The following CRKL variants were observed in gnomAD, a reference collection of about 807,000 sequenced individuals.
CRKL encodes the protein CRK like proto-oncogene, adaptor protein.
CRKL carries 3 observed loss-of-function variants against 23.0 expected under a neutral mutation model. The observed-to-expected ratio is 0.13, with a 90% CI of 0.06 to 0.34. The LOEUF is 0.34. CRKL is among the 10% of genes least tolerant of loss of function. The pLI is 1.00. For missense variants in CRKL, 256 were observed against 394.5 expected (o/e 0.65, Z 2.97); for synonymous variants, 188 against 160.7 (o/e 1.17, Z -1.28).
At chr22:20,940,190 A>G (rs1355164301) in intron 2 of CRKL, among the ~76,000 whole-genome samples, 3 of 152,030 alleles carry the variant, frequency 2.0e-5, no homozygotes, top group Non-Finnish European at 4.4e-5. Context: ...TCTTTGTACT[A>G]AAGTCCTTCT....
intron 2 of CRKL, among the ~76,000 whole-genome samples, chr22:20,946,115 C>A (rs1922045014): frequency 6.6e-6 from 1 of 152,184 alleles, no homozygotes; most frequent in South Asian, 2.1e-4. Context: ...CCAGTGTACT[C>A]CTGATCTTAC....
At chr22:20,920,027 A>G (rs1236378714) in intron 1 of CRKL, among the ~76,000 whole-genome samples, 7 of 152,200 alleles carry the variant, frequency 4.6e-5, no homozygotes, top group Non-Finnish European at 8.8e-5. Flanking sequence ...TTTGAGCACA[A>G]TATAATTCCA....
At chr22:20,925,941 T>C (rs1461396429) in intron 1 of CRKL, among the ~76,000 whole-genome samples, 2 of 152,232 alleles carry the variant, frequency 1.3e-5, no homozygotes, top group Admixed American at 1.3e-4. Context: ...GTTTTTGTTT[T>C]TGATTTTTGT....
chr22:20,923,830 G>A (rs935720991), intron 1 of CRKL, among the ~76,000 whole-genome samples: 7 of 151,564 alleles, frequency 4.6e-5, no homozygotes, highest in East Asian at 1.9e-4. Context: ...TGCTCGCCTC[G>A]GCCTCCCAAA....
intron 1 of CRKL, among the ~76,000 whole-genome samples, chr22:20,920,792 C>T (rs184066989): frequency 1.7e-4 from 26 of 152,284 alleles, no homozygotes; most frequent in Admixed American, 1.3e-3. Flanking sequence ...CTACACCTCA[C>T]TCTCCATCTG....
At chr22:20,922,429 A>G (rs1921027953) in intron 1 of CRKL, among the ~76,000 whole-genome samples, 1 of 152,128 alleles carries the variant, frequency 6.6e-6, no homozygotes, top group Non-Finnish European at 1.5e-5. Flanking sequence ...GCTCCAAGGA[A>G]GGAATTTGAG....
intron 1 of CRKL, among the ~76,000 whole-genome samples, chr22:20,922,006 CTT>C (rs66728040): frequency 8.7e-4 from 61 of 69,926 alleles, no homozygotes; most frequent in South Asian, 6.7e-3. Flanking sequence ...CTGCGCCCGG[CTT>C]TTTTTTTTTT....
intron 1 of CRKL, among the ~76,000 whole-genome samples, chr22:20,920,547 A>G (rs954192474): frequency 2.6e-5 from 4 of 152,080 alleles, no homozygotes; most frequent in African/African-American, 7.2e-5. Context: ...TTCTAGAGGA[A>G]GGAAAAGAAG....
chr22:20,918,163 G>A lies in CRKL; in HGVS notation c.229G>A (p.Glu77Lys), dbSNP rs745447266. The change falls in exon 1 of 3, where the codon GAA becomes AAA. Residue 77 changes from glutamate to lysine, a missense_variant. Physicochemically the swap from Glu to Lys is moderately conservative, Grantham distance 56 (BLOSUM62 1). Coordinates refer to ENST00000354336, the MANE Select transcript of CRKL (RefSeq NM_005207.4). Reference protein sequence around the residue: ...PNRRFKIGDQEFDHLPALLEF... With the variant: ...PNRRFKIGDQKFDHLPALLEF... Reference sequence around the variant, plus strand: ...CCGCCGTTTTAAGATCGGGGACCAGGAATTTGACCATTTGCCGGCCCTGCT... The same window carrying A: ...CCGCCGTTTTAAGATCGGGGACCAGAAATTTGACCATTTGCCGGCCCTGCT... 1 of 1,614,136 alleles carries A rather than the reference G, an allele frequency of 6.2e-7. No individual in the cohort carries two copies. The highest frequency in any genetic ancestry group is 8.5e-7 in the Non-Finnish European group (1 of 1,180,036).
chr22:20,939,855 C>A (rs1002084682), intron 2 of CRKL, among the ~76,000 whole-genome samples: 1 of 146,934 alleles, frequency 6.8e-6, no homozygotes, highest in Non-Finnish European at 1.5e-5. Flanking sequence ...ATGGCGTGAT[C>A]TCGGCTCACT....
chr22:20,940,792 G>A (rs1436289386), intron 2 of CRKL, among the ~76,000 whole-genome samples: 2 of 152,032 alleles, frequency 1.3e-5, no homozygotes, highest in Non-Finnish European at 2.9e-5. Context: ...CTTCCCAAGG[G>A]CCCATGGTAC....
intron 1 of CRKL, among the ~76,000 whole-genome samples, chr22:20,929,149 A>G (rs1921344719): frequency 6.6e-6 from 1 of 151,682 alleles, no homozygotes; most frequent in Non-Finnish European, 1.5e-5. Context: ...AACCCTGTGC[A>G]TTTTATTTTA....
In CRKL at chr22:20,952,724, G is replaced by GT; in HGVS notation, c.*2884dup. ...TTGGATGTTAAATTAACTCACTATGGTTTTTCACCTGGGAAGGAAACAAAT... is the reference window on the plus strand; with the variant it reads ...TTGGATGTTAAATTAACTCACTATGGTTTTTTCACCTGGGAAGGAAACAAAT... On this transcript the variant is annotated 3_prime_UTR_variant, in exon 3 of 3. Transcript: ENST00000354336. 4.3e-6 allele frequency: 1 copy of GT among 231,556 alleles called. No individual in the cohort carries two copies. Among genetic ancestry groups the GT allele is most frequent in the Non-Finnish European group, 8.5e-6 (1 of 117,036 alleles). 14.3% of individuals were successfully genotyped at this position (231,556 alleles called of 1,614,324 possible).
At position 20,927,531 on chromosome 22, in the gene CRKL, A is replaced by G. The variant is rs1323185775; in HGVS notation, c.312-6248A>G. Among the ~76,000 whole-genome samples, 4 of 112,924 alleles carry G rather than the reference A, an allele frequency of 3.5e-5. No individual in the cohort carries two copies. In the East Asian group the frequency reaches 1.3e-3, roughly 36 times the overall value. 74.1% of individuals were successfully genotyped at this position (112,924 alleles called of 152,430 possible). A position where few individuals can be genotyped will look rare whatever the true frequency, so the allele number is the denominator to read the frequency against. On this transcript the variant is annotated intron_variant, in intron 1 of 2. Coordinates refer to ENST00000354336, the MANE Select transcript of CRKL (RefSeq NM_005207.4). ...TTTCTACCTTTTTTTTTTTTTTTTT[A>G]ACTGTGAAATATTTCATACATAGAA...
chr22:20,920,395 G>A (rs539581449), intron 1 of CRKL, among the ~76,000 whole-genome samples: 1 of 151,932 alleles, frequency 6.6e-6, no homozygotes, highest in African/African-American at 2.4e-5. Context: ...CCAGCTACTC[G>A]GGAGGCTGAG....
intron 2 of CRKL, among the ~76,000 whole-genome samples, 166 bp downstream of exon 2, chr22:20,934,410 G>T (rs1449209614): frequency 6.6e-6 from 1 of 152,146 alleles, no homozygotes; most frequent in East Asian, 1.9e-4. Flanking sequence ...TTTTTATAGA[G>T]ACGAGGTCTC....
Position 20,952,282 on chromosome 22 carries a change from A to G in CRKL, c.*2437A>G. The G allele has an allele frequency of 4.3e-6, 1 of 230,326 alleles. No homozygotes were observed. The highest frequency in any genetic ancestry group is 6.2e-5 in the East Asian group (1 of 16,186). The allele number at this position is 230,326 out of a possible 1,614,324, so 14.3% of individuals were successfully genotyped here. A position where few individuals can be genotyped will look rare whatever the true frequency, so the allele number is the denominator to read the frequency against. On this transcript the variant is annotated 3_prime_UTR_variant, in exon 3 of 3. Transcript: ENST00000354336. ...TCCTTTCAGCCCTGTCTACTGACCA[A>G]TACCCCGACTCACCTTGTGTGGCGC... is the stretch of plus-strand genomic sequence containing the variant.
intron 1 of CRKL, among the ~76,000 whole-genome samples, chr22:20,928,318 A>G (rs1457000643): frequency 1.3e-5 from 2 of 151,692 alleles, no homozygotes; most frequent in Non-Finnish European, 2.9e-5. Flanking sequence ...TTGGCTGGGC[A>G]TGGTGGCTCA....
At chr22:20,945,693 C>T (rs781137124) in intron 2 of CRKL, among the ~76,000 whole-genome samples, 3 of 152,216 alleles carry the variant, frequency 2.0e-5, no homozygotes, top group Non-Finnish European at 2.9e-5. Flanking sequence ...GCCTAGCCCT[C>T]TTAAAGCCTC....
Sources: allele counts gnomAD v4.1 joint callset (sites outside exome capture counted in the v4.1 genomes callset), GRCh38; gene constraint gnomAD v4.1.1; transcripts MANE v1.5; gene names NCBI Gene and HGNC (gene_info 2026-07-23, HGNC 2026-07-21).